Variants in TLE4 observed in about 807,000 individuals in gnomAD.
The protein encoded by TLE4 is TLE family member 4, transcriptional corepressor.
In TLE4, 8 loss-of-function variants were observed where a neutral mutation model predicts 92.8. That is an observed-to-expected ratio of 0.09 (90% CI 0.05 to 0.16). The LOEUF (loss-of-function observed/expected upper bound fraction) is 0.16, where lower values mean the gene tolerates loss of function less well. Ranked by LOEUF, TLE4 falls within the 10% of genes least tolerant of loss-of-function variation. TLE4 has a pLI of 1.00. For missense variants in TLE4, 675 were observed against 997.6 expected (o/e 0.68, Z 4.36); for synonymous variants, 371 against 374.1 (o/e 0.99, Z 0.10).
chr9:79,681,248 G>T (rs1318215911), intron 8 of TLE4, among the ~76,000 whole-genome samples: 3 of 152,132 alleles, frequency 2.0e-5, no homozygotes, highest in African/African-American at 7.2e-5. Flanking sequence ...GGGAAATTAT[G>T]TACTGATGAA....
intron 6 of TLE4, among the ~76,000 whole-genome samples, chr9:79,629,414 G>T (rs769647345): frequency 1.4e-4 from 21 of 151,988 alleles, no homozygotes; most frequent in Non-Finnish European, 2.9e-4. Context: ...GAATGGAATG[G>T]CCGATTGCCT....
intron 8 of TLE4, among the ~76,000 whole-genome samples, chr9:79,679,532 G>A (rs2064011525): frequency 6.6e-6 from 1 of 152,082 alleles, no homozygotes; most frequent in African/African-American, 2.4e-5. Flanking sequence ...TGTCAGATGA[G>A]TAGGTTGAGA....
chr9:79,577,765 A>G (rs1304084069), intron 4 of TLE4, among the ~76,000 whole-genome samples: 2 of 152,066 alleles, frequency 1.3e-5, no homozygotes, highest in Non-Finnish European at 2.9e-5. Context: ...CTCCTTCTGT[A>G]TCTTGTTTAC....
chr9:79,576,154 T>C lies in TLE4; in HGVS notation c.229T>C (p.Leu77=), dbSNP rs2037681229. The change falls in exon 4 of 20, where the codon TTG becomes CTG. Residue 77 remains leucine (L), a synonymous_variant. Transcript: ENST00000376552. ...YVMYYEMSYG[L]NIEMHKQAEI... ...ACAGTATTATGAAATGTCCTATGGG[T>C]TGAATATAGAAATGCACAAGCAGGT... 3 of 1,540,284 alleles carry C rather than the reference T, an allele frequency of 1.9e-6. No homozygotes were observed. Among genetic ancestry groups the C allele is most frequent in the Non-Finnish European group, 1.8e-6 (2 of 1,137,778 alleles).
chr9:79,660,794 T>C (rs1250697566), intron 8 of TLE4, among the ~76,000 whole-genome samples: 1 of 152,216 alleles, frequency 6.6e-6, no homozygotes, highest in Non-Finnish European at 1.5e-5. Context: ...CTTTAGGGCA[T>C]AGCTGGTCCT....
chr9:79,581,149 TAGG>T (rs1564117672), intron 4 of TLE4, among the ~76,000 whole-genome samples: 1 of 152,216 alleles, frequency 6.6e-6, no homozygotes, highest in Non-Finnish European at 1.5e-5. Flanking sequence ...CATTTTAAAA[TAGG>T]AGGCCAACTT....
At chr9:79,634,892 A>G (rs2055308003) in intron 6 of TLE4, among the ~76,000 whole-genome samples, 1 of 152,172 alleles carries the variant, frequency 6.6e-6, no homozygotes, top group South Asian at 2.1e-4. Context: ...TTCACTCCTT[A>G]AAGGACAGTT....
intron 8 of TLE4, among the ~76,000 whole-genome samples, chr9:79,674,474 T>C (rs190303366): frequency 6.6e-6 from 1 of 152,294 alleles, no homozygotes; most frequent in African/African-American, 2.4e-5. Flanking sequence ...TTACTTGATG[T>C]AGGCAAAATG....
intron 4 of TLE4, among the ~76,000 whole-genome samples, chr9:79,609,261 A>G (rs1035889490): frequency 1.3e-5 from 2 of 152,084 alleles, no homozygotes; most frequent in East Asian, 3.9e-4. Context: ...GCCACTGTCC[A>G]TCAGTACTGT....
rs566739285 is a variant in TLE4 at position 79,677,846 on chromosome 9, T to TG, written c.609+23774dup. The stretch of plus-strand genomic sequence containing the variant: ...GCTCTTTTACTTATAGAATCAGAAG[T>TG]GGGTGGTGTAAGAGATTCTACACAT... On this transcript the variant is annotated intron_variant, in intron 8 of 19. Coordinates refer to ENST00000376552, the MANE Select transcript of TLE4 (RefSeq NM_007005.6). Among the ~76,000 whole-genome samples, 526 of 152,182 alleles carry TG rather than the reference T, an allele frequency of 3.5e-3. 6 individuals are homozygous for TG. The highest frequency in any genetic ancestry group is 0.012 in the African/African-American group (482 of 41,528).
intron 8 of TLE4, among the ~76,000 whole-genome samples, chr9:79,678,332 A>G (rs1413839744): frequency 6.6e-6 from 1 of 152,128 alleles, no homozygotes; most frequent in East Asian, 1.9e-4. Context: ...TATTTGAGTA[A>G]ATGTCCTTGT....
At chr9:79,580,920 A>C (rs970504264) in intron 4 of TLE4, among the ~76,000 whole-genome samples, 7 of 152,206 alleles carry the variant, frequency 4.6e-5, no homozygotes, top group Non-Finnish European at 8.8e-5. Context: ...AAAATCTTAA[A>C]GATGACAAGT....
At chr9:79,671,372 A>T (rs2062316377) in intron 8 of TLE4, 2 of 411,982 alleles carry the variant, frequency 4.9e-6, no homozygotes, top group South Asian at 3.3e-5. Context: ...TGACGAGCTC[A>T]ACGAGTGGCC....
At chr9:79,708,925 G>A (rs1473850245) in intron 13 of TLE4, 139 bp downstream of exon 13, 2 of 1,020,422 alleles carry the variant, frequency 2.0e-6, no homozygotes, top group Admixed American at 5.9e-5. Flanking sequence ...TCTGCCTCCT[G>A]GGCTTAAGCG....
rs1374381965 is a variant in TLE4, at chr9:79,704,764, C to T, written c.610-19C>T. On this transcript the variant is annotated intron_variant, in intron 8 of 19. Transcript: ENST00000376552. Reference sequence around the variant, plus strand: ...AGATGATAATTTCTCAACCATGCTTCCTCTCCTTCTAATTCCAGAGCTCTT... The same window carrying T: ...AGATGATAATTTCTCAACCATGCTTTCTCTCCTTCTAATTCCAGAGCTCTT... 3 of 1,601,324 alleles carry T rather than the reference C, an allele frequency of 1.9e-6. No individual in the cohort carries two copies. The highest frequency in any genetic ancestry group is 2.5e-6 in the Non-Finnish European group (3 of 1,176,832).
chr9:79,644,658 G>A (rs921055950), intron 6 of TLE4, among the ~76,000 whole-genome samples: 8 of 152,226 alleles, frequency 5.3e-5, no homozygotes, highest in Admixed American at 4.6e-4. Flanking sequence ...CAGAACAACT[G>A]TCCATAGTAA....
chr9:79,574,353 A>G (rs1251464740), intron 2 of TLE4, among the ~76,000 whole-genome samples: 4 of 152,192 alleles, frequency 2.6e-5, no homozygotes, highest in Admixed American at 1.3e-4. Context: ...AAAACAAACC[A>G]CTGAACCCGA....
At chr9:79,708,009 A>T in intron 11 of TLE4, 109 bp from the exon 12 acceptor site, 1 of 1,169,206 alleles carries the variant, frequency 8.6e-7, no homozygotes, top group Non-Finnish European at 1.2e-6. Context: ...CAAGCTGAAG[A>T]ACCTCTTCCA....
chr9:79,698,128 C>T (rs949164538), intron 8 of TLE4, among the ~76,000 whole-genome samples: 3 of 152,152 alleles, frequency 2.0e-5, no homozygotes, highest in Non-Finnish European at 2.9e-5. Flanking sequence ...CTAACACCCT[C>T]GTCTTACCTA....
Sources: allele counts gnomAD v4.1 joint callset (sites outside exome capture counted in the v4.1 genomes callset), GRCh38; gene constraint gnomAD v4.1.1; transcripts MANE v1.5; gene names NCBI Gene and HGNC (gene_info 2026-07-23, HGNC 2026-07-21).